The following UNC5D variants were observed in gnomAD, a reference collection of about 807,000 sequenced individuals.
UNC5D encodes unc-5 netrin receptor D, also known as netrin receptor UNC5D.
UNC5D carries 39 observed loss-of-function variants against 105.4 expected under a neutral mutation model. The ratio of observed to expected loss-of-function variants is 0.37; its 90% CI spans 0.29 to 0.48. The LOEUF (loss-of-function observed/expected upper bound fraction) is 0.48. Ranked by LOEUF, UNC5D falls within the 20% of genes least tolerant of loss-of-function variation. The probability of loss-of-function intolerance (pLI) is 0.98; values close to 1 mark genes in which losing one functional copy is unlikely to be tolerated. For missense variants in UNC5D, 991 were observed against 1,202.4 expected (o/e 0.82, Z 2.60); for synonymous variants, 452 against 450.4 (o/e 1.00, Z -0.04).
rs550671187 is a variant in UNC5D, at chr8:35,580,549, G to T, written c.466+12308G>T. On this transcript the variant is annotated intron_variant, in intron 3 of 16. Transcript: ENST00000404895. ...AAGAATCCCATGAATAAGACTGAAA[G>T]AAAAAAAAAAGTAGAACAGGCACTA... Among the ~76,000 whole-genome samples the T allele has an allele frequency of 2.7e-5, 4 of 148,534 alleles. No homozygotes were observed. The East Asian group carries it at 7.9e-4, about 29-fold the overall frequency.
At chr8:35,395,424 C>T (rs1046626647) in intron 1 of UNC5D, among the ~76,000 whole-genome samples, 8 of 152,160 alleles carry the variant, frequency 5.3e-5, no homozygotes, top group African/African-American at 1.7e-4. Flanking sequence ...CAACATTTTC[C>T]ATATCAAAAA....
chr8:35,586,849 G>A (rs1311326292), intron 3 of UNC5D, among the ~76,000 whole-genome samples: 1 of 152,142 alleles, frequency 6.6e-6, no homozygotes, highest in Non-Finnish European at 1.5e-5. Context: ...AACATTGAAT[G>A]AGCCGATAAC....
At chr8:35,688,488 C>T (rs1826172736) in intron 7 of UNC5D, among the ~76,000 whole-genome samples, 1 of 152,164 alleles carries the variant, frequency 6.6e-6, no homozygotes, top group Non-Finnish European at 1.5e-5. Context: ...TCCTGATAGC[C>T]TATAGTGCCT....
At position 35,554,199 on chromosome 8, in the gene UNC5D, T is replaced by G. The variant is rs969825530; in HGVS notation, c.322+4689T>G. Among the ~76,000 whole-genome samples, 9 of 152,316 alleles carry G rather than the reference T, an allele frequency of 5.9e-5. No individual in the cohort carries two copies. The South Asian group carries it at 1.9e-3, about 32-fold the overall frequency. On this transcript the variant is annotated intron_variant, in intron 2 of 16. Coordinates refer to ENST00000404895, the MANE Select transcript of UNC5D (RefSeq NM_080872.4). ...GGCTGCAAACTGCCTTTGGTCTTTC[T>G]GGTAATTTGGCCCTGTCATCTAACA... is the stretch of plus-strand genomic sequence containing the variant.
At chr8:35,322,162 G>C (rs910697095) in intron 1 of UNC5D, among the ~76,000 whole-genome samples, 1 of 152,126 alleles carries the variant, frequency 6.6e-6, no homozygotes, top group African/African-American at 2.4e-5. Context: ...GCAGATTCTA[G>C]TGTTAAGAGG....
chr8:35,574,567 A>T (rs935365122), intron 3 of UNC5D, among the ~76,000 whole-genome samples: 17 of 152,290 alleles, frequency 1.1e-4, no homozygotes, highest in African/African-American at 3.8e-4. Flanking sequence ...AAGGGTAAAA[A>T]TTTTTTGAAA....
intron 1 of UNC5D, among the ~76,000 whole-genome samples, chr8:35,438,976 C>T (rs1000159045): frequency 2.6e-5 from 4 of 151,680 alleles, no homozygotes; most frequent in African/African-American, 7.3e-5. Context: ...GAGAGATGGA[C>T]GCAGGGGGCC....
chr8:35,449,769 C>A (rs540456177), intron 1 of UNC5D, among the ~76,000 whole-genome samples: 5 of 152,244 alleles, frequency 3.3e-5, no homozygotes, highest in African/African-American at 1.2e-4. Context: ...ACTGTTTGCA[C>A]ATGGTAGTTG....
At chr8:35,786,851 A>G (rs892023938) in intron 16 of UNC5D, among the ~76,000 whole-genome samples, 5 of 152,170 alleles carry the variant, frequency 3.3e-5, no homozygotes, top group Non-Finnish European at 5.9e-5. Flanking sequence ...CCTGCAGGCC[A>G]CATTTGGCCC....
chr8:35,712,220 A>C lies in UNC5D; in HGVS notation c.1117+6259A>C, dbSNP rs1828007699. 3.3e-5 allele frequency among the ~76,000 whole-genome samples: 5 copies of C among 152,312 alleles called. No homozygotes were observed. The South Asian group carries it at 8.3e-4, about 25-fold the overall frequency. ...CAGGAGGCAGAGGTTACATTGAGTCAACATTGCGCCACTGTACTCCAGCCT... is the reference window on the plus strand; with the variant it reads ...CAGGAGGCAGAGGTTACATTGAGTCCACATTGCGCCACTGTACTCCAGCCT... On this transcript the variant is annotated intron_variant, in intron 8 of 16. Transcript: ENST00000404895.
chr8:35,718,026 T>C (rs1828352719), intron 8 of UNC5D, among the ~76,000 whole-genome samples: 1 of 152,122 alleles, frequency 6.6e-6, no homozygotes, highest in African/African-American at 2.4e-5. Flanking sequence ...CATTCCTCAG[T>C]AGTTTCTGAC....
At chr8:35,283,980 A>G (rs921453962) in intron 1 of UNC5D, among the ~76,000 whole-genome samples, 3 of 152,212 alleles carry the variant, frequency 2.0e-5, no homozygotes, top group Admixed American at 6.5e-5. Flanking sequence ...ATAAATCTTG[A>G]AAGTTTTAAC....
At chr8:35,400,298 A>G (rs1804375164) in intron 1 of UNC5D, among the ~76,000 whole-genome samples, 1 of 152,056 alleles carries the variant, frequency 6.6e-6, no homozygotes. Context: ...ATTTTAATAA[A>G]TTTACCTTTA....
chr8:35,309,772 C>T (rs192505931), intron 1 of UNC5D, among the ~76,000 whole-genome samples: 2 of 152,150 alleles, frequency 1.3e-5, no homozygotes, highest in East Asian at 3.9e-4. Flanking sequence ...ATTTAAAATG[C>T]AGATTCCAAG....
At chr8:35,680,979 G>A (rs1363721116) in intron 4 of UNC5D, among the ~76,000 whole-genome samples, 4 of 152,192 alleles carry the variant, frequency 2.6e-5, no homozygotes, top group Non-Finnish European at 4.4e-5. Context: ...GAGGAGAGTG[G>A]AGGTGGAGCA....
intron 1 of UNC5D, among the ~76,000 whole-genome samples, chr8:35,335,251 A>C (rs1810938027): frequency 6.6e-6 from 1 of 152,212 alleles, no homozygotes; most frequent in Non-Finnish European, 1.5e-5. Context: ...CTTCATGTGC[A>C]AACCTTTGTG....
At position 35,279,725 on chromosome 8, in the gene UNC5D, C is replaced by A. The variant is rs551851327; in HGVS notation, c.103+43838C>A. On this transcript the variant is annotated intron_variant, in intron 1 of 16. Transcript: ENST00000404895. ...TGAAGATGAACAGATAGGCAATGAA[C>A]TTGCTTTGCTTCAGAAAGACATTGA... 3.5e-3 allele frequency among the ~76,000 whole-genome samples: 526 copies of A among 152,296 alleles called. 6 individuals carry two copies. The highest frequency in any genetic ancestry group is 0.012 in the African/African-American group (510 of 41,570).
At chr8:35,297,810 G>T (rs949705689) in intron 1 of UNC5D, among the ~76,000 whole-genome samples, 3 of 152,046 alleles carry the variant, frequency 2.0e-5, no homozygotes, top group Non-Finnish European at 4.4e-5. Flanking sequence ...GCTTAATAAG[G>T]CTCCATATCT....
intron 1 of UNC5D, among the ~76,000 whole-genome samples, chr8:35,386,112 T>G (rs1160903862): frequency 6.6e-6 from 1 of 152,220 alleles, no homozygotes; most frequent in Non-Finnish European, 1.5e-5. Flanking sequence ...TAATTTAATC[T>G]TTTATTTTTT....
Sources: gnomAD v4.1 joint callset for allele counts (sites outside exome capture counted in the v4.1 genomes callset) on GRCh38, gnomAD v4.1.1 for gene constraint, MANE v1.5 for transcripts, NCBI Gene and HGNC (gene_info 2026-07-23, HGNC 2026-07-21) for gene names.